Variants in CSMD1 observed in about 807,000 individuals in gnomAD.
The protein encoded by CSMD1 is CUB and sushi domain-containing protein 1.
A neutral mutation model predicts 417.5 loss-of-function variants in CSMD1; 213 were observed. The observed-to-expected ratio is 0.51, with a 90% CI of 0.46 to 0.57. The LOEUF is 0.57. CSMD1 is among the 20% of genes least tolerant of loss of function. The probability of loss-of-function intolerance (pLI) is 0.00; values close to 1 mark genes in which losing one functional copy is unlikely to be tolerated. For missense variants in CSMD1, 6,923 were observed against 4,529.7 expected, an observed-to-expected ratio of 1.53 and a Z score of -15.17; for synonymous variants, 2,862 against 1,736.8, an observed-to-expected ratio of 1.65 and a Z score of -16.11.
rs118179881 is a variant in CSMD1 at position 3,958,630 on chromosome 8, C to T, written c.818+39273G>A. 1.0e-3 allele frequency among the ~76,000 whole-genome samples: 158 copies of T among 152,156 alleles called. 1 individual carries two copies. Among genetic ancestry groups the T allele is most frequent in the Non-Finnish European group, 2.0e-3 (134 of 68,002 alleles). ...TTTGAATAATTTAAATGAGGTCCACCACATATTGTAAAATACAAATTAGCC... is the reference window on the plus strand; with the variant it reads ...TTTGAATAATTTAAATGAGGTCCACTACATATTGTAAAATACAAATTAGCC... On this transcript the variant is annotated intron_variant, in intron 5 of 69. Coordinates refer to ENST00000635120, the MANE Select transcript of CSMD1 (RefSeq NM_033225.6).
intron 3 of CSMD1, among the ~76,000 whole-genome samples, chr8:4,086,519 G>C (rs1439084697): frequency 6.6e-6 from 1 of 152,204 alleles, no homozygotes; most frequent in East Asian, 1.9e-4. Flanking sequence ...AAAGTGACTG[G>C]TCAACTCCCA....
At chr8:3,264,637 C>A (rs1417335538) in intron 26 of CSMD1, among the ~76,000 whole-genome samples, 1 of 152,106 alleles carries the variant, frequency 6.6e-6, no homozygotes, top group African/African-American at 2.4e-5. Flanking sequence ...TTTTGTGTTT[C>A]TTTCTTCTAA....
chr8:3,993,601 C>T (rs888031256), intron 5 of CSMD1, among the ~76,000 whole-genome samples: 87 of 152,156 alleles, frequency 5.7e-4, no homozygotes, highest in African/African-American at 1.9e-3. Flanking sequence ...CAGAGTTTCC[C>T]TTGTAAACTT....
intron 3 of CSMD1, among the ~76,000 whole-genome samples, chr8:4,099,100 TC>T (rs1801170642): frequency 6.6e-6 from 1 of 152,118 alleles, no homozygotes. Context: ...TCTGTTTTTT[TC>T]TTTTTTTGTC....
intron 1 of CSMD1, among the ~76,000 whole-genome samples, chr8:4,949,645 C>A (rs529406651): frequency 6.6e-6 from 1 of 152,098 alleles, no homozygotes; most frequent in Non-Finnish European, 1.5e-5. Context: ...CATCTGACCC[C>A]ACATGGCAAT....
chr8:3,674,383 C>G (rs550333305), intron 7 of CSMD1, among the ~76,000 whole-genome samples: 3 of 152,044 alleles, frequency 2.0e-5, no homozygotes, highest in East Asian at 3.9e-4. Context: ...AAGTAGAAGC[C>G]ATAATTTCCT....
intron 3 of CSMD1, among the ~76,000 whole-genome samples, chr8:4,091,091 G>T (rs1333885110): frequency 6.6e-6 from 1 of 151,760 alleles, no homozygotes; most frequent in Non-Finnish European, 1.5e-5. Context: ...GCTAATTTTT[G>T]TAATTTTAGT....
At chr8:4,509,069 A>T (rs558090412) in intron 2 of CSMD1, among the ~76,000 whole-genome samples, 1 of 152,294 alleles carries the variant, frequency 6.6e-6, no homozygotes, top group Admixed American at 6.5e-5. Flanking sequence ...ATGATAGAAG[A>T]GGAGAGTGAA....
intron 2 of CSMD1, among the ~76,000 whole-genome samples, chr8:4,478,226 T>C (rs773429510): frequency 6.6e-6 from 1 of 152,200 alleles, no homozygotes; most frequent in Non-Finnish European, 1.5e-5. Context: ...TTCATGTTAA[T>C]ACTGAAAAGC....
In CSMD1 at chr8:3,978,767, G is replaced by A. The variant is rs535265613; in HGVS notation, c.818+19136C>T. 7.2e-5 allele frequency among the ~76,000 whole-genome samples: 11 copies of A among 152,218 alleles called. No individual in the cohort carries two copies. In the South Asian group the frequency reaches 2.1e-3, roughly 29 times the overall value. ...GCATACGACATCAGTGCATGACGGT[G>A]CTCATGCTTTTAAGGGAAAGCAGCT... On this transcript the variant is annotated intron_variant, in intron 5 of 69. Coordinates refer to ENST00000635120, the MANE Select transcript of CSMD1 (RefSeq NM_033225.6).
chr8:4,518,029 G>C (rs1208554463), intron 2 of CSMD1, among the ~76,000 whole-genome samples: 1 of 152,156 alleles, frequency 6.6e-6, no homozygotes, highest in Non-Finnish European at 1.5e-5. Context: ...GTTTAAGAAA[G>C]ATAAATACTG....
chr8:3,933,080 A>C (rs1810265532), intron 5 of CSMD1, among the ~76,000 whole-genome samples: 1 of 149,838 alleles, frequency 6.7e-6, no homozygotes, highest in African/African-American at 2.5e-5. Flanking sequence ...AAAAAAACAA[A>C]AGAAACAACA....
chr8:4,334,920 C>G (rs1003425418), intron 3 of CSMD1, among the ~76,000 whole-genome samples: 1 of 152,012 alleles, frequency 6.6e-6, no homozygotes, highest in African/African-American at 2.4e-5. Context: ...CACTTTCTAC[C>G]CCCACAGATG....
At chr8:4,068,779 G>C (rs899029751) in intron 3 of CSMD1, among the ~76,000 whole-genome samples, 5 of 152,164 alleles carry the variant, frequency 3.3e-5, no homozygotes, top group African/African-American at 9.7e-5. Flanking sequence ...GAACAGATTA[G>C]AATATTACAT....
chr8:3,368,693 C>CT (rs1329608811), intron 19 of CSMD1, among the ~76,000 whole-genome samples: 1 of 152,136 alleles, frequency 6.6e-6, no homozygotes, highest in African/African-American at 2.4e-5. Flanking sequence ...TTTCAGGCTA[C>CT]AATCCTAATC....
At chr8:4,708,510 T>C (rs1176072864) in intron 1 of CSMD1, among the ~76,000 whole-genome samples, 2 of 152,180 alleles carry the variant, frequency 1.3e-5, no homozygotes, top group African/African-American at 4.8e-5. Flanking sequence ...ACTCAATCTG[T>C]AGTAATTCTC....
intron 2 of CSMD1, among the ~76,000 whole-genome samples, chr8:4,623,838 A>T (rs1801929416): frequency 1.3e-5 from 2 of 152,090 alleles, no homozygotes; most frequent in African/African-American, 4.8e-5. Flanking sequence ...GCTGGCAACA[A>T]AACTTAGAAC....
At chr8:3,353,177 C>T (rs10102960) in intron 21 of CSMD1, among the ~76,000 whole-genome samples, 12,809 of 152,216 alleles carry the variant, frequency 0.084, 694 homozygotes, top group Non-Finnish European at 0.12. Context: ...CCTTGTGATT[C>T]CAAGAGGATA....
At chr8:4,788,198 A>C in intron 1 of CSMD1, 1 of 1,592,696 alleles carries the variant, frequency 6.3e-7, no homozygotes, top group Non-Finnish European at 8.6e-7. Context: ...TTCCATGTGA[A>C]CTTTGAGTAA....
Sources: gnomAD v4.1 joint callset for allele counts (sites outside exome capture counted in the v4.1 genomes callset) on GRCh38, gnomAD v4.1.1 for gene constraint, MANE v1.5 for transcripts, NCBI Gene and HGNC (gene_info 2026-07-23, HGNC 2026-07-21) for gene names.